Variants in RHPN2 observed in about 807,000 individuals in gnomAD.
The protein encoded by RHPN2 is rhophilin-2.
RHPN2 carries 40 observed loss-of-function variants against 79.0 expected under a neutral mutation model. The observed-to-expected ratio is 0.51, with a 90% CI of 0.39 to 0.66. RHPN2 has a LOEUF of 0.66. Among genes scored for constraint, RHPN2 ranks in the 30% least tolerant of loss-of-function variants. The probability of loss-of-function intolerance (pLI) is 0.00; values close to 1 mark genes in which losing one functional copy is unlikely to be tolerated. For synonymous variants in RHPN2, 285 were observed against 363.5 expected (o/e 0.78, Z 2.46); for missense variants, 686 against 883.5 (o/e 0.78, Z 2.83).
chr19:33,032,637 C>T (rs1002514667), intron 2 of RHPN2, among the ~76,000 whole-genome samples: 2 of 152,178 alleles, frequency 1.3e-5, no homozygotes, highest in African/African-American at 4.8e-5. Context: ...TGTCATTACA[C>T]ACCACAGGTC....
intron 2 of RHPN2, among the ~76,000 whole-genome samples, chr19:33,039,571 G>C (rs189557515): frequency 6.6e-6 from 1 of 152,138 alleles, no homozygotes; most frequent in East Asian, 1.9e-4. Context: ...GGCACAGTGG[G>C]TCATGCCTGT....
Position 33,026,579 on chromosome 19 carries a change from A to T in RHPN2, c.239T>A (p.Val80Asp). 1 of 1,609,056 alleles carries T rather than the reference A, an allele frequency of 6.2e-7. No individual in the cohort carries two copies. The change falls in exon 3 of 15, where the codon GTC becomes GAC. Residue 80 changes from valine (V) to aspartate (D), a missense_variant. Transcript: ENST00000254260. ...REQVRLELSFVNSDLQMLKEE... is the reference protein window; with the variant it reads ...REQVRLELSFDNSDLQMLKEE... ...CTTGAGCATCTGCAGGTCTGAGTTG[A>T]CGAAGCTCAGCTCCAGCCGCACTTG...
intron 1 of RHPN2, among the ~76,000 whole-genome samples, chr19:33,056,325 T>A (rs141985430): frequency 0.015 from 2,219 of 152,056 alleles, 54 homozygotes; most frequent in African/African-American, 0.051. Flanking sequence ...TTGGTCAGGC[T>A]GGTCTCGAAC....
intron 2 of RHPN2, among the ~76,000 whole-genome samples, chr19:33,038,864 GC>G: frequency 6.6e-6 from 1 of 152,162 alleles, no homozygotes; most frequent in East Asian, 1.9e-4. Flanking sequence ...AACCATGTTG[GC>G]CAGGCTGGCC....
intron 6 of RHPN2, among the ~76,000 whole-genome samples, chr19:33,009,030 A>AG (rs1555711627): frequency 2.5e-4 from 2 of 7,852 alleles, no homozygotes; most frequent in South Asian, 0.012. Flanking sequence ...CCTACTGTAT[A>AG]CGCTGTGTGA....
At chr19:33,001,847 G>A (rs1035088776) in intron 9 of RHPN2, among the ~76,000 whole-genome samples, 7 of 152,124 alleles carry the variant, frequency 4.6e-5, no homozygotes, top group African/African-American at 1.7e-4. Flanking sequence ...CAAATGATCT[G>A]CCTGCCTTGG....
intron 2 of RHPN2, among the ~76,000 whole-genome samples, chr19:33,043,575 C>A (rs893971318): frequency 6.6e-6 from 1 of 152,040 alleles, no homozygotes; most frequent in Non-Finnish European, 1.5e-5. Context: ...CAAGGCGGCA[C>A]GGGGCTAACC....
In RHPN2 at chr19:32,991,924, G is replaced by A. The variant is rs768431881; in HGVS notation, c.1543C>T (p.Arg515Ter). 16 of 1,613,852 alleles carry A rather than the reference G, an allele frequency of 9.9e-6. No individual in the cohort carries two copies. The highest frequency in any genetic ancestry group is 2.2e-5 in the East Asian group (1 of 44,890). Residue 515 changes from arginine to a stop codon, truncating the protein, a stop_gained, in exon 13 of 15, where the codon CGA (arginine) becomes TGA (stop). Transcript: ENST00000254260. LOFTEE classifies it high-confidence loss of function. ...FSANKRWTPP[R>*]SIRFTAEEGD... is the part of the protein sequence containing the mutation. ...TCTTCTGCAGTGAAGCGGATGCTTC[G>A]AGGAGGCGTCCACCGCTTGTTAGCC... is the stretch of plus-strand genomic sequence containing the variant.
chr19:33,039,097 C>T (rs969622993), intron 2 of RHPN2, among the ~76,000 whole-genome samples: 2 of 152,078 alleles, frequency 1.3e-5, no homozygotes, highest in African/African-American at 2.4e-5. Flanking sequence ...AGTGACTTGC[C>T]GCAGCTTCAG....
chr19:33,006,946 G>C (rs1971796271), intron 7 of RHPN2, among the ~76,000 whole-genome samples: 3 of 152,146 alleles, frequency 2.0e-5, no homozygotes, highest in African/African-American at 4.8e-5. Context: ...GGAGGCTGAG[G>C]CAGAAGAATT....
chr19:32,996,711 T>A (rs1393822142), intron 10 of RHPN2, among the ~76,000 whole-genome samples: 1 of 151,740 alleles, frequency 6.6e-6, no homozygotes, highest in Non-Finnish European at 1.5e-5. Flanking sequence ...TAAACCCCCC[T>A]CCCCTATTTA....
At chr19:33,053,425 CTTTTTTT>C (rs11297306) in intron 1 of RHPN2, among the ~76,000 whole-genome samples, 2 of 132,050 alleles carry the variant, frequency 1.5e-5, no homozygotes, top group South Asian at 2.4e-4. Flanking sequence ...AACAGTTTTG[CTTTTTTT>C]TTTTTTTTTG....
At position 33,059,153 on chromosome 19, in the gene RHPN2, C is replaced by T. The variant is rs183064992; in HGVS notation, c.69+5631G>A. Among the ~76,000 whole-genome samples the T allele has an allele frequency of 8.2e-4, 125 of 152,164 alleles. 1 individual carries two copies. The highest frequency in any genetic ancestry group is 3.4e-3 in the Middle Eastern group (1 of 292). On this transcript the variant is annotated intron_variant, in intron 1 of 14. Coordinates refer to ENST00000254260, the MANE Select transcript of RHPN2 (RefSeq NM_033103.5). ...CTCATGGGTTCTCACTCACTGCCCC[C>T]GGCTGGCTCAGCCACCCAATCAATG...
intron 2 of RHPN2, among the ~76,000 whole-genome samples, chr19:33,034,415 C>T (rs1972038243): frequency 6.6e-6 from 1 of 151,782 alleles, no homozygotes; most frequent in Admixed American, 6.6e-5. Context: ...ACCATCCTGG[C>T]TAACACAGTG....
At chr19:33,047,187 TG>T (rs1189798862) in intron 1 of RHPN2, among the ~76,000 whole-genome samples, 1 of 152,222 alleles carries the variant, frequency 6.6e-6, no homozygotes, top group African/African-American at 2.4e-5. Flanking sequence ...TAAACTGGAT[TG>T]TCTTTTTATC....
chr19:33,030,004 C>A (rs1971998785), intron 2 of RHPN2, among the ~76,000 whole-genome samples: 1 of 152,220 alleles, frequency 6.6e-6, no homozygotes, highest in Admixed American at 6.5e-5. Flanking sequence ...GCCTAGCATG[C>A]TCCAAAATTC....
chr19:33,059,101 AAATAAT>A (rs1263575736), intron 1 of RHPN2, among the ~76,000 whole-genome samples: 6 of 151,674 alleles, frequency 4.0e-5, no homozygotes, highest in Non-Finnish European at 7.4e-5. Flanking sequence ...TCTCAAAAAA[AAATAAT>A]AATAATACAA....
intron 4 of RHPN2, among the ~76,000 whole-genome samples, chr19:33,019,853 T>C (rs541988188): frequency 2.5e-4 from 38 of 152,150 alleles, no homozygotes; most frequent in Non-Finnish European, 4.6e-4. Context: ...CTATAACCAA[T>C]GCCTGGGCTG....
chr19:33,014,180 C>T (rs1599818650), intron 4 of RHPN2, among the ~76,000 whole-genome samples: 2 of 151,416 alleles, frequency 1.3e-5, no homozygotes, highest in East Asian at 3.9e-4. Flanking sequence ...TGTGAGTAAC[C>T]TCTTTACACA....
Sources: gnomAD v4.1 joint callset for allele counts (sites outside exome capture counted in the v4.1 genomes callset) on GRCh38, gnomAD v4.1.1 for gene constraint, MANE v1.5 for transcripts, NCBI Gene and HGNC (gene_info 2026-07-23, HGNC 2026-07-21) for gene names.